Variants in DAB1 observed in about 807,000 individuals in gnomAD.
The protein encoded by DAB1 is DAB adaptor protein 1, also known as disabled homolog 1.
DAB1 carries 15 observed loss-of-function variants against 64.6 expected under a neutral mutation model. The ratio of observed to expected loss-of-function variants is 0.23; its 90% CI spans 0.16 to 0.36. The LOEUF (loss-of-function observed/expected upper bound fraction) is 0.36, where lower values mean the gene tolerates loss of function less well. Ranked by LOEUF, DAB1 falls within the 10% of genes least tolerant of loss-of-function variation. DAB1 has a pLI of 1.00. For missense variants in DAB1, 596 were observed against 706.7 expected (o/e 0.84, Z 1.78); for synonymous variants, 235 against 251.9 (o/e 0.93, Z 0.64).
At chr1:57,641,606 G>A (rs1400737204) in intron 7 of DAB1, among the ~76,000 whole-genome samples, 2 of 151,400 alleles carry the variant, frequency 1.3e-5, no homozygotes, top group African/African-American at 2.4e-5. Context: ...GGATGGTCTC[G>A]ATCTTCTGAT....
At chr1:57,104,690 C>T (rs747163219) in intron 4 of DAB1, among the ~76,000 whole-genome samples, 8 of 152,094 alleles carry the variant, frequency 5.3e-5, no homozygotes, top group Non-Finnish European at 1.2e-4. Context: ...CCCAAAACAA[C>T]CTGGACTTCA....
intron 5 of DAB1, among the ~76,000 whole-genome samples, chr1:58,135,476 T>C (rs902290236): frequency 6.6e-6 from 1 of 152,136 alleles, no homozygotes; most frequent in African/African-American, 2.4e-5. Flanking sequence ...CTTTTTTTTA[T>C]TTTTGTGAAA....
At chr1:58,316,024 T>A (rs966391575) in intron 4 of DAB1, among the ~76,000 whole-genome samples, 1 of 152,192 alleles carries the variant, frequency 6.6e-6, no homozygotes, top group Non-Finnish European at 1.5e-5. Flanking sequence ...GTGGTTTAAA[T>A]CCTAAGTACT....
At chr1:58,474,881 T>C (rs546982757) in intron 3 of DAB1, among the ~76,000 whole-genome samples, 1 of 152,340 alleles carries the variant, frequency 6.6e-6, no homozygotes, top group South Asian at 2.1e-4. Flanking sequence ...CTGTGAACCC[T>C]CATTTTCTTA....
intron 4 of DAB1, among the ~76,000 whole-genome samples, chr1:58,309,891 A>C (rs765528467): frequency 1.3e-5 from 2 of 152,220 alleles, no homozygotes; most frequent in African/African-American, 2.4e-5. Flanking sequence ...GGAAGCTCAC[A>C]CTGGAGACTA....
At chr1:58,480,564 C>T (rs1035705430) in intron 3 of DAB1, among the ~76,000 whole-genome samples, 18 of 152,178 alleles carry the variant, frequency 1.2e-4, no homozygotes, top group African/African-American at 4.1e-4. Flanking sequence ...AAACAGATAC[C>T]TTCAGACTGT....
intron 4 of DAB1, among the ~76,000 whole-genome samples, chr1:58,267,501 G>C (rs906644227): frequency 6.6e-6 from 1 of 152,088 alleles, no homozygotes; most frequent in African/African-American, 2.4e-5. Context: ...TTTCAAAAAA[G>C]TTCCCTTGAA....
chr1:58,523,731 C>T (rs955609820), intron 2 of DAB1, among the ~76,000 whole-genome samples: 3 of 152,124 alleles, frequency 2.0e-5, no homozygotes, highest in African/African-American at 7.2e-5. Flanking sequence ...AACCCCATCT[C>T]TACTAAAAAC....
intron 1 of DAB1, among the ~76,000 whole-genome samples, chr1:57,846,287 A>C (rs1653279352): frequency 6.6e-6 from 1 of 151,968 alleles, no homozygotes; most frequent in East Asian, 1.9e-4. Flanking sequence ...GTGAAACCCC[A>C]TCTCACTAAA....
intron 3 of DAB1, among the ~76,000 whole-genome samples, chr1:58,433,460 T>C (rs1363156551): frequency 1.3e-5 from 2 of 152,036 alleles, no homozygotes; most frequent in Non-Finnish European, 1.5e-5. Context: ...ATTTGGCTCA[T>C]GGTTCTGGAG....
intron 1 of DAB1, among the ~76,000 whole-genome samples, chr1:57,365,174 C>A (rs1679878957): frequency 7.3e-6 from 1 of 136,954 alleles, no homozygotes; most frequent in Non-Finnish European, 1.6e-5. Flanking sequence ...AAATATATAT[C>A]TTCTTTATAT....
chr1:57,275,827 G>A (rs925603829), intron 2 of DAB1, among the ~76,000 whole-genome samples: 10 of 152,052 alleles, frequency 6.6e-5, no homozygotes, highest in East Asian at 5.8e-4. Flanking sequence ...TCCCCTGCCC[G>A]CAAAACACAG....
intron 6 of DAB1, among the ~76,000 whole-genome samples, chr1:57,730,762 G>T: frequency 6.6e-6 from 1 of 152,168 alleles, no homozygotes; most frequent in Middle Eastern, 3.2e-3. Context: ...ATGAATAAAA[G>T]ACTCAGTAAA....
chr1:57,022,400 C>T (rs1646649723), intron 11 of DAB1, among the ~76,000 whole-genome samples: 1 of 152,150 alleles, frequency 6.6e-6, no homozygotes, highest in Non-Finnish European at 1.5e-5. Context: ...ATCACTATCC[C>T]TTTTTAAAGA....
intron 7 of DAB1, among the ~76,000 whole-genome samples, chr1:57,533,698 C>T (rs946560080): frequency 5.4e-5 from 8 of 149,192 alleles, no homozygotes; most frequent in African/African-American, 2.0e-4. Flanking sequence ...GCATGTATGA[C>T]TTTTTTTTTA....
intron 9 of DAB1, among the ~76,000 whole-genome samples, chr1:57,044,062 C>A (rs963970957): frequency 2.0e-5 from 3 of 152,172 alleles, no homozygotes; most frequent in African/African-American, 7.2e-5. Context: ...CTGTTCCTGG[C>A]ACACTCTTCA....
chr1:57,878,300 C>T lies in DAB1; in HGVS notation n.87+5699G>A, dbSNP rs184440091. ...TTTTTGTTATTTCTATTTTTAGGAT[C>T]GAATACCATAAGAGGAATTCTGGAC... On this transcript the variant is annotated intron_variant and non_coding_transcript_variant, in intron 1 of 1. Transcript: ENST00000477280. 2.5e-3 allele frequency: 388 copies of T among 152,198 alleles called. 1 individual carries two copies. The highest frequency in any genetic ancestry group is 9.0e-3 in the African/African-American group (375 of 41,536). 9.4% of individuals were successfully genotyped at this position (152,198 alleles called of 1,614,324 possible).
intron 5 of DAB1, among the ~76,000 whole-genome samples, chr1:57,983,940 G>A (rs949011480): frequency 1.3e-5 from 2 of 152,030 alleles, no homozygotes; most frequent in Non-Finnish European, 2.9e-5. Flanking sequence ...TAAAGAAGAT[G>A]CTGCTCATAC....
intron 6 of DAB1, among the ~76,000 whole-genome samples, chr1:57,809,263 T>A (rs1651507587): frequency 1.3e-5 from 2 of 152,190 alleles, no homozygotes; most frequent in African/African-American, 4.8e-5. Flanking sequence ...AACACTTTGT[T>A]CATTATAGCT....
Sources: allele counts gnomAD v4.1 joint callset (sites outside exome capture counted in the v4.1 genomes callset), GRCh38; gene constraint gnomAD v4.1.1; transcripts MANE v1.5; gene names NCBI Gene and HGNC (gene_info 2026-07-23, HGNC 2026-07-21).